Variants in PPM1B observed in about 807,000 individuals in gnomAD.
PPM1B encodes protein phosphatase 1B.
Under a neutral mutation model 43.0 loss-of-function variants are expected in PPM1B, and 22 were observed. The observed-to-expected ratio is 0.51, with a 90% CI of 0.37 to 0.73. PPM1B has a LOEUF of 0.73. Ranked by LOEUF, PPM1B falls within the 30% of genes least tolerant of loss-of-function variation. The pLI is 0.00. For synonymous variants in PPM1B, 217 were observed against 197.9 expected (o/e 1.10, Z -0.81); for missense variants, 632 against 584.2 (o/e 1.08, Z -0.84).
At chr2:44,244,206 C>G in intron 5 of PPM1B, 2 of 1,183,548 alleles carry the variant, frequency 1.7e-6, no homozygotes, top group Non-Finnish European at 2.2e-6. Context: ...ATATATATTT[C>G]AATTTCTATC....
chr2:44,235,936 CAAATTTT>C (rs1670595702), downstream of PPM1B, among the ~76,000 whole-genome samples: 1 of 151,760 alleles, frequency 6.6e-6, no homozygotes, highest in African/African-American at 2.4e-5. Context: ...AAAAAAAACT[CAAATTTT>C]AAAATAACAT....
chr2:44,240,524 G>A (rs897839247), intron 5 of PPM1B, among the ~76,000 whole-genome samples: 2 of 144,354 alleles, frequency 1.4e-5, no homozygotes, highest in African/African-American at 5.0e-5. Flanking sequence ...TATTATGTTC[G>A]TCATTTTGCA....
downstream of PPM1B, chr2:44,234,049 T>C (rs1670543120): frequency 1.0e-6 from 1 of 973,794 alleles, no homozygotes; most frequent in Non-Finnish European, 1.2e-6. Flanking sequence ...AAATAAAGAA[T>C]TGATAAAAAC....
exon 6 of PPM1B, chr2:44,244,312 C>G: frequency 3.7e-6 from 5 of 1,361,478 alleles, no homozygotes; most frequent in Non-Finnish European, 4.9e-6. Context: ...CTTCCAAGCA[C>G]TCAGAAGCAC....
chr2:44,209,259 C>G lies in PPM1B; in HGVS notation c.896C>G (p.Pro299Arg). 1 of 1,613,474 alleles carries G rather than the reference C, an allele frequency of 6.2e-7. No homozygotes were observed. The highest frequency in any genetic ancestry group is 8.5e-7 in the Non-Finnish European group (1 of 1,179,818). Reference protein sequence around the residue: ...SIVLVCFSNAPKVSDEAVKKD... With the variant: ...SIVLVCFSNARKVSDEAVKKD... The stretch of plus-strand genomic sequence containing the variant: ...GTACTAGTTTGCTTTTCAAATGCTC[C>G]CAAGGTCTCAGATGAAGCGGTGAAA... The change falls in exon 3 of 6, where the codon CCC becomes CGC. Residue 299 changes from proline (P) to arginine (R), a missense_variant. By Grantham distance (103) the Pro-to-Arg change is moderately radical (BLOSUM62 -2). Coordinates refer to ENST00000282412, the MANE Select transcript of PPM1B (RefSeq NM_002706.6).
downstream of PPM1B, chr2:44,234,496 C>T (rs188244447): frequency 3.4e-5 from 32 of 932,712 alleles, no homozygotes; most frequent in African/African-American, 4.6e-4. Context: ...TCCAGCCTGG[C>T]GACAGAGCGA....
chr2:44,239,179 CAAAAAAAAA>C (rs1193340508), downstream of PPM1B, among the ~76,000 whole-genome samples: 23 of 89,636 alleles, frequency 2.6e-4, no homozygotes, highest in South Asian at 2.3e-3. Context: ...GTCTCTAATA[CAAAAAAAAA>C]AAAAAAAAAA....
At chr2:44,228,623 A>G (rs1670332010) in intron 5 of PPM1B, among the ~76,000 whole-genome samples, 1 of 152,200 alleles carries the variant, frequency 6.6e-6, no homozygotes, top group South Asian at 2.1e-4. Context: ...TGTCACATCA[A>G]CTGTATCAAT....
downstream of PPM1B, chr2:44,232,355 C>A (rs1195689100): frequency 6.2e-7 from 1 of 1,604,620 alleles, no homozygotes; most frequent in Non-Finnish European, 8.5e-7. Flanking sequence ...GCCTTAAAAA[C>A]CTTCTAAAAT....
At chr2:44,194,286 A>C (rs140723629) in intron 1 of PPM1B, among the ~76,000 whole-genome samples, 1 of 152,180 alleles carries the variant, frequency 6.6e-6, no homozygotes, top group Non-Finnish European at 1.5e-5. Flanking sequence ...TCGCTGTGGG[A>C]TGATTGTGGA....
intron 5 of PPM1B, among the ~76,000 whole-genome samples, chr2:44,226,735 C>CTTTT (rs60750702): frequency 4.0e-3 from 269 of 66,444 alleles, no homozygotes; most frequent in East Asian, 5.8e-3. Context: ...AGGTTTTTAT[C>CTTTT]TTTTTTTTTT....
At chr2:44,189,164 G>T (rs941768627) in intron 1 of PPM1B, among the ~76,000 whole-genome samples, 1 of 152,006 alleles carries the variant, frequency 6.6e-6, no homozygotes, top group Non-Finnish European at 1.5e-5. Context: ...GAGCCACCAT[G>T]CCCAGCCAGC....
At chr2:44,190,054 A>G (rs1331978079) in intron 1 of PPM1B, among the ~76,000 whole-genome samples, 1 of 152,212 alleles carries the variant, frequency 6.6e-6, no homozygotes, top group African/African-American at 2.4e-5. Flanking sequence ...ATTTCACAAA[A>G]GATTAAGCTA....
intron 1 of PPM1B, among the ~76,000 whole-genome samples, chr2:44,188,690 C>T (rs1011975629): frequency 2.6e-5 from 4 of 151,802 alleles, no homozygotes; most frequent in African/African-American, 7.3e-5. Flanking sequence ...GCCACTATGC[C>T]CAGTTTGCCT....
chr2:44,239,848 G>C (rs1262908427), intron 5 of PPM1B, among the ~76,000 whole-genome samples: 1 of 151,266 alleles, frequency 6.6e-6, no homozygotes, highest in African/African-American at 2.4e-5. Context: ...AATATGTGTG[G>C]TCCATTTCTA....
intron 1 of PPM1B, among the ~76,000 whole-genome samples, chr2:44,170,412 C>G (rs559532872): frequency 5.4e-4 from 82 of 152,324 alleles, no homozygotes; most frequent in Non-Finnish European, 2.2e-4. Context: ...TGTTATGTAG[C>G]TATTTTAGGA....
intron 3 of PPM1B, among the ~76,000 whole-genome samples, chr2:44,212,860 G>T (rs1157903976): frequency 6.6e-6 from 1 of 151,796 alleles, no homozygotes; most frequent in Non-Finnish European, 1.5e-5. Context: ...AATACAAAAA[G>T]AAATTAGCTG....
intron 3 of PPM1B, 35 bp downstream of exon 3, chr2:44,209,362 C>T (rs1192070585): frequency 6.2e-7 from 1 of 1,609,352 alleles, no homozygotes; most frequent in African/African-American, 1.3e-5. Context: ...ATAGACAGGC[C>T]AGGCACGGTA....
At chr2:44,234,042 TAAAG>T (rs1225954369), downstream of PPM1B, 13 of 975,464 alleles carry the variant, frequency 1.3e-5, no homozygotes, top group Non-Finnish European at 8.5e-6. Context: ...GTTACCTAAA[TAAAG>T]AATTGATAAA....
Sources: allele counts gnomAD v4.1 joint callset (sites outside exome capture counted in the v4.1 genomes callset), GRCh38; gene constraint gnomAD v4.1.1; transcripts MANE v1.5; gene names NCBI Gene and HGNC (gene_info 2026-07-23, HGNC 2026-07-21).